Variants in MID2 observed in about 807,000 individuals in gnomAD.
MID2 encodes the protein probable E3 ubiquitin-protein ligase MID2.
MID2 carries 13 observed loss-of-function variants against 46.1 expected under a neutral mutation model. The observed-to-expected ratio is 0.28, with a 90% CI of 0.18 to 0.45. MID2 has a LOEUF of 0.45. Among genes scored for constraint, MID2 ranks in the 20% least tolerant of loss-of-function variants. MID2 has a pLI of 1.00. For synonymous variants in MID2, 199 were observed against 212.3 expected (o/e 0.94, Z 0.55); for missense variants, 431 against 575.4 (o/e 0.75, Z 2.57).
chrX:107,865,562 C>T (rs1056601553), intron 3 of MID2, among the ~76,000 whole-genome samples: 1 of 111,871 alleles, frequency 8.9e-6, no homozygotes, highest in Non-Finnish European at 1.9e-5. Flanking sequence ...CCCTCCCCGC[C>T]CACCCCAAAG....
chrX:107,905,688 C>T, intron 5 of MID2, 62 bp downstream of exon 5: 2 of 1,002,461 alleles, frequency 2.0e-6, no homozygotes, highest in Admixed American at 2.9e-5. Context: ...TTTAAAGTCA[C>T]TTAAAGTTCA....
intron 6 of MID2, 66 bp from the exon 7 acceptor site, chrX:107,917,440 A>G: frequency 1.2e-6 from 1 of 867,035 alleles, no homozygotes; most frequent in Non-Finnish European, 1.7e-6. Context: ...CAGGAAGAGT[A>G]ACAATTGTAA....
rs113398429 is a variant in MID2 at position 107,927,666 on chromosome X, T to G, written c.*593T>G. On this transcript the variant is annotated 3_prime_UTR_variant, in exon 10 of 10. Transcript: ENST00000262843. ...GTTTATGCATATTCACTTTATATAT[T>G]ACATATACACAAAAAACTTTTTTTT... 0.049 allele frequency among the ~76,000 whole-genome samples: 5,531 copies of G among 111,877 alleles called. 363 individuals carry two copies. The highest frequency in any genetic ancestry group is 0.17 in the African/African-American group (5,216 of 30,732).
At chrX:107,840,055 G>A (rs1931302688) in intron 1 of MID2, among the ~76,000 whole-genome samples, 1 of 112,206 alleles carries the variant, frequency 8.9e-6, no homozygotes, top group Non-Finnish European at 1.9e-5. Flanking sequence ...GAATGGAACG[G>A]AAATTTCCAT....
chrX:107,910,237 C>T (rs759531417), intron 5 of MID2, among the ~76,000 whole-genome samples: 1 of 111,462 alleles, frequency 9.0e-6, no homozygotes, highest in Non-Finnish European at 1.9e-5. Context: ...CACCTATGTG[C>T]GAGATCATAT....
intron 2 of MID2, among the ~76,000 whole-genome samples, chrX:107,853,366 C>T (rs1931672015): frequency 9.0e-6 from 1 of 111,276 alleles, no homozygotes; most frequent in Admixed American, 9.5e-5. Context: ...GTGGTGTGAT[C>T]CTGGCTCACT....
chrX:107,869,240 C>T (rs764065246), intron 3 of MID2, among the ~76,000 whole-genome samples: 7 of 111,066 alleles, frequency 6.3e-5, no homozygotes, highest in Non-Finnish European at 1.1e-4. Context: ...AAGAACAGTC[C>T]TTTTCCTGTT....
At chrX:107,895,152 C>T (rs1932700465) in intron 3 of MID2, 1 of 108,327 alleles carries the variant, frequency 9.2e-6, no homozygotes, top group African/African-American at 3.4e-5. Context: ...TACAATAATT[C>T]TATTGAGCAA....
At position 107,854,698 on chromosome X, in the gene MID2, G is replaced by A. The variant is rs770179634; in HGVS notation, c.810G>A (p.Gln270=). 1.7e-6 allele frequency: 2 copies of A among 1,199,130 alleles called. No homozygotes were observed. The highest frequency in any genetic ancestry group is 2.3e-6 in the Non-Finnish European group (2 of 884,055). The change falls in exon 3 of 10, where the codon CAG becomes CAA. Residue 270 remains glutamine (Q), a synonymous_variant. Transcript: ENST00000262843. The part of the protein sequence containing the change: ...QMAKLIQICQ[Q]VEVNTAMHEA... ...CCAAACTAATACAGATCTGCCAGCA[G>A]GTTGAGGTATGTAACAGAAACATTT...
At chrX:107,845,621 G>A (rs1418961499) in intron 2 of MID2, among the ~76,000 whole-genome samples, 8 of 108,464 alleles carry the variant, frequency 7.4e-5, no homozygotes, top group Non-Finnish European at 1.5e-4. Flanking sequence ...TATGAGACTT[G>A]GAGGATGTTC....
At position 107,864,301 on chromosome X, in the gene MID2, A is replaced by G. The variant is rs536751278; in HGVS notation, c.816+9597A>G. ...TCTTATGTACTCCTGCCATTGGCCTACCTTTAATAGCCCAGAGCAGCTCTC... is the reference window on the plus strand; with the variant it reads ...TCTTATGTACTCCTGCCATTGGCCTGCCTTTAATAGCCCAGAGCAGCTCTC... On this transcript the variant is annotated intron_variant, in intron 3 of 9. Transcript: ENST00000262843. 1.0e-3 allele frequency among the ~76,000 whole-genome samples: 114 copies of G among 112,101 alleles called. 2 individuals are homozygous for G. The East Asian group carries it at 0.018, about 18-fold the overall frequency.
intron 5 of MID2, among the ~76,000 whole-genome samples, chrX:107,915,557 CAAA>C (rs373121859): frequency 1.1e-5 from 1 of 92,893 alleles, no homozygotes; most frequent in Admixed American, 1.2e-4. Flanking sequence ...GACTCTGTCT[CAAA>C]AAAAAAAAAA....
intron 7 of MID2, among the ~76,000 whole-genome samples, chrX:107,918,217 G>C (rs747592818): frequency 8.1e-5 from 9 of 110,963 alleles, no homozygotes; most frequent in Non-Finnish European, 1.7e-4. Context: ...TAACAAAGCT[G>C]TTGTTTAGCT....
At position 107,826,390 on chromosome X, in the gene MID2, G is replaced by C. The variant is rs749598395; in HGVS notation, c.-37G>C. 6 of 1,130,456 alleles carry C rather than the reference G, an allele frequency of 5.3e-6. No individual in the cohort carries two copies. Among genetic ancestry groups the C allele is most frequent in the African/African-American group, 3.8e-5 (2 of 52,671 alleles). 93.2% of individuals were successfully genotyped at this position (1,130,456 alleles called of 1,213,427 possible). On this transcript the variant is annotated 5_prime_UTR_variant, in exon 1 of 10. Transcript: ENST00000262843. Reference sequence around the variant, plus strand: ...AGGCAGACGAGAGCCCAGCGCCCTCGAGCGAGCGGAGGAGATGGCTGGCAC... The same window carrying C: ...AGGCAGACGAGAGCCCAGCGCCCTCCAGCGAGCGGAGGAGATGGCTGGCAC...
At chrX:107,847,229 G>C (rs1032400163) in intron 2 of MID2, among the ~76,000 whole-genome samples, 11 of 112,046 alleles carry the variant, frequency 9.8e-5, no homozygotes, top group African/African-American at 2.9e-4. Context: ...TGTGGTAGGA[G>C]CTGGGACACA....
chrX:107,869,872 T>G (rs1226476763), intron 3 of MID2, among the ~76,000 whole-genome samples: 3 of 111,094 alleles, frequency 2.7e-5, no homozygotes, highest in Non-Finnish European at 5.7e-5. Flanking sequence ...TCTGAGGCAC[T>G]TATATCTCCT....
intron 5 of MID2, among the ~76,000 whole-genome samples, chrX:107,913,050 A>G (rs1232904803): frequency 9.0e-6 from 1 of 111,597 alleles, no homozygotes; most frequent in East Asian, 2.8e-4. Flanking sequence ...AAAAAAACAC[A>G]GACAGTCAGA....
intron 6 of MID2, among the ~76,000 whole-genome samples, chrX:107,916,599 C>T (rs1199517364): frequency 1.8e-5 from 2 of 111,987 alleles, no homozygotes; most frequent in Non-Finnish European, 3.8e-5. Flanking sequence ...ATGCAACCAG[C>T]CTGTTAAAAA....
intron 3 of MID2, among the ~76,000 whole-genome samples, chrX:107,863,739 T>C (rs983714440): frequency 8.9e-6 from 1 of 112,549 alleles, no homozygotes; most frequent in African/African-American, 3.2e-5. Flanking sequence ...TAAACAAATG[T>C]TTTAAAAACC....
Sources: allele counts gnomAD v4.1 joint callset (sites outside exome capture counted in the v4.1 genomes callset), GRCh38; gene constraint gnomAD v4.1.1; transcripts MANE v1.5; gene names NCBI Gene and HGNC (gene_info 2026-07-23, HGNC 2026-07-21).